The following KCNT2 variants were observed in gnomAD, a reference collection of about 807,000 sequenced individuals.
KCNT2 encodes potassium channel subfamily T member 2.
In KCNT2, 67 loss-of-function variants were observed where a neutral mutation model predicts 153.8. The observed-to-expected ratio is 0.44, with a 90% CI of 0.36 to 0.53. KCNT2 has a LOEUF of 0.53. Among genes scored for constraint, KCNT2 ranks in the 20% least tolerant of loss-of-function variants. The probability of loss-of-function intolerance (pLI) is 0.00; values close to 1 mark genes in which losing one functional copy is unlikely to be tolerated. For missense variants in KCNT2, 975 were observed against 1,354.8 expected (o/e 0.72, Z 4.40); for synonymous variants, 500 against 458.8 (o/e 1.09, Z -1.15).
intron 13 of KCNT2, among the ~76,000 whole-genome samples, chr1:196,387,920 C>A (rs1005233168): frequency 6.7e-6 from 1 of 150,054 alleles, no homozygotes; most frequent in Non-Finnish European, 1.5e-5. Flanking sequence ...TTGATGAAAG[C>A]CAATTTTTCT....
chr1:196,529,010 T>C (rs1654602384), intron 1 of KCNT2, among the ~76,000 whole-genome samples: 1 of 152,172 alleles, frequency 6.6e-6, no homozygotes, highest in East Asian at 1.9e-4. Flanking sequence ...GAAAAAATGT[T>C]GATTGTAACA....
intron 1 of KCNT2, among the ~76,000 whole-genome samples, chr1:196,565,429 G>T (rs545204787): frequency 5.5e-4 from 83 of 151,626 alleles, no homozygotes; most frequent in Non-Finnish European, 2.2e-4. Flanking sequence ...TCATCCCATT[G>T]CTGGGTATAC....
chr1:196,255,484 T>G (rs1024226091), intron 26 of KCNT2, among the ~76,000 whole-genome samples: 6 of 151,804 alleles, frequency 4.0e-5, no homozygotes, highest in African/African-American at 1.4e-4. Context: ...GTCCTCATAT[T>G]TCACCTCCCA....
chr1:196,228,609 T>A (rs1258829891), intron 27 of KCNT2, among the ~76,000 whole-genome samples: 1 of 152,124 alleles, frequency 6.6e-6, no homozygotes, highest in African/African-American at 2.4e-5. Context: ...CTGTGCATGT[T>A]GACTGTCAGT....
chr1:196,400,047 G>C (rs936098788), intron 12 of KCNT2, among the ~76,000 whole-genome samples: 1 of 151,782 alleles, frequency 6.6e-6, no homozygotes, highest in African/African-American at 2.4e-5. Flanking sequence ...TAAGTTACAA[G>C]AAAGTTGATG....
intron 1 of KCNT2, among the ~76,000 whole-genome samples, chr1:196,543,857 G>A (rs1280352618): frequency 6.6e-6 from 1 of 152,070 alleles, no homozygotes; most frequent in Non-Finnish European, 1.5e-5. Flanking sequence ...ATTAAAACAT[G>A]GAACTGCCAC....
At chr1:196,372,268 T>C (rs968054878) in intron 14 of KCNT2, among the ~76,000 whole-genome samples, 2 of 152,112 alleles carry the variant, frequency 1.3e-5, no homozygotes, top group South Asian at 4.1e-4. Flanking sequence ...CTTATCCATC[T>C]ATAAATAAAT....
intron 21 of KCNT2, among the ~76,000 whole-genome samples, chr1:196,309,973 T>C (rs999942719): frequency 1.3e-5 from 2 of 151,884 alleles, no homozygotes; most frequent in Non-Finnish European, 2.9e-5. Context: ...ATGTGTAAAA[T>C]ATCTATGGAA....
chr1:196,258,221 GT>G lies in KCNT2; in HGVS notation c.3183del (p.Lys1061AsnfsTer13). The G allele has an allele frequency of 6.2e-7, 1 of 1,613,784 alleles. No individual in the cohort carries two copies. The highest frequency in any genetic ancestry group is 8.5e-7 in the Non-Finnish European group (1 of 1,179,750). On this transcript the variant is annotated frameshift_variant, in exon 26 of 28. Transcript: ENST00000294725. LOFTEE classifies it high-confidence loss of function. ...TATCCCACTGTAGAAAGACCCAAGTGTTTCATTCTATTTTTCACAAGTTCAG... is the reference window on the plus strand; with the variant it reads ...TATCCCACTGTAGAAAGACCCAAGTGTTCATTCTATTTTTCACAAGTTCAG... ...ELAELVKNRMKHLGLSTVGYD... is the reference protein window; with the variant it reads ...ELAELVKNRMXHLGLSTVGYD...
rs1663667965 is a variant in KCNT2, at chr1:196,593,486, T to C, written c.95+14729A>G. 2.6e-5 allele frequency among the ~76,000 whole-genome samples: 4 copies of C among 151,934 alleles called. No homozygotes were observed. The South Asian group carries it at 8.3e-4, about 32-fold the overall frequency. On this transcript the variant is annotated intron_variant, in intron 1 of 27. Transcript: ENST00000294725. The stretch of plus-strand genomic sequence containing the variant: ...TGCAAGTATCTTTTTGTATAATGAC[T>C]TCTCTTCCTCTGGGTAGATACCCAG...
At chr1:196,315,822 G>A in intron 21 of KCNT2, 70 bp downstream of exon 21, 1 of 1,359,256 alleles carries the variant, frequency 7.4e-7, no homozygotes, top group African/African-American at 1.5e-5. Context: ...TCCTCACAGA[G>A]TCAGTGTCAA....
chr1:196,257,776 A>G (rs1055754025), intron 26 of KCNT2: 257 of 983,938 alleles, frequency 2.6e-4, no homozygotes, highest in Non-Finnish European at 3.0e-4. Context: ...CAAATTTTAT[A>G]AGAACATTTT....
chr1:196,464,787 A>G (rs983652021), intron 8 of KCNT2, among the ~76,000 whole-genome samples: 2 of 151,938 alleles, frequency 1.3e-5, no homozygotes, highest in Non-Finnish European at 2.9e-5. Context: ...AGCATATTTT[A>G]TATGTTTTTA....
chr1:196,575,242 AC>A (rs1398849210), intron 1 of KCNT2, among the ~76,000 whole-genome samples: 1 of 152,056 alleles, frequency 6.6e-6, no homozygotes, highest in African/African-American at 2.4e-5. Flanking sequence ...TCTCTTAACT[AC>A]CCCCTTTTAA....
intron 14 of KCNT2, among the ~76,000 whole-genome samples, chr1:196,346,657 T>C (rs1053452223): frequency 3.9e-5 from 6 of 152,300 alleles, no homozygotes; most frequent in African/African-American, 1.2e-4. Flanking sequence ...AATCAGCTTA[T>C]CTATTTTAAA....
At chr1:196,306,441 G>T (rs1661642679) in intron 21 of KCNT2, among the ~76,000 whole-genome samples, 1 of 152,072 alleles carries the variant, frequency 6.6e-6, no homozygotes, top group South Asian at 2.1e-4. Flanking sequence ...TGTGGTACAT[G>T]CTTCTTTTAA....
intron 15 of KCNT2, among the ~76,000 whole-genome samples, 168 bp downstream of exon 15, chr1:196,341,911 C>T (rs1435102130): frequency 6.6e-6 from 1 of 152,134 alleles, no homozygotes; most frequent in South Asian, 2.1e-4. Context: ...CTTATAGAGA[C>T]CATACAGACA....
At chr1:196,542,598 G>A (rs561672938) in intron 1 of KCNT2, among the ~76,000 whole-genome samples, 94 of 152,170 alleles carry the variant, frequency 6.2e-4, no homozygotes, top group African/African-American at 2.1e-3. Flanking sequence ...TAGGCATTAG[G>A]AGCACATAAC....
Position 196,252,092 on chromosome 1 carries a change from A to G in KCNT2, c.3211+6102T>C, listed in dbSNP as rs114359699. Among the ~76,000 whole-genome samples the G allele has an allele frequency of 4.0e-3, 607 of 151,712 alleles. 3 individuals carry two copies. The highest frequency in any genetic ancestry group is 0.013 in the African/African-American group (548 of 41,452). On this transcript the variant is annotated intron_variant, in intron 26 of 27. Coordinates refer to ENST00000294725, the MANE Select transcript of KCNT2 (RefSeq NM_198503.5). The stretch of plus-strand genomic sequence containing the variant: ...TAGGGTTTAGATGTTTCATTTTGCT[A>G]GTTGTGTTTTCTTATTGTTTTATTA...
Sources: allele counts gnomAD v4.1 joint callset (sites outside exome capture counted in the v4.1 genomes callset), GRCh38; gene constraint gnomAD v4.1.1; transcripts MANE v1.5; gene names NCBI Gene and HGNC (gene_info 2026-07-23, HGNC 2026-07-21).